The following CD2AP variants were observed in gnomAD, a reference collection of about 807,000 sequenced individuals.
CD2AP encodes the protein CD2-associated protein.
Under a neutral mutation model 85.1 loss-of-function variants are expected in CD2AP, and 46 were observed. The ratio of observed to expected loss-of-function variants is 0.54; its 90% confidence interval spans 0.43 to 0.69. The LOEUF is 0.69. CD2AP is among the 30% of genes least tolerant of loss of function. The pLI, the probability that CD2AP is intolerant of heterozygous loss-of-function variation, is 0.00. For missense variants in CD2AP, 769 were observed against 729.5 expected (o/e 1.05, Z -0.62); for synonymous variants, 255 against 252.9 (o/e 1.01, Z -0.08).
At chr6:47,580,931 A>G (rs1038662822) in intron 10 of CD2AP, 31 bp downstream of exon 10, 10 of 1,521,688 alleles carry the variant, frequency 6.6e-6, no homozygotes, top group African/African-American at 1.4e-5. Flanking sequence ...TCAGTTTGCT[A>G]TTTTCCATTT....
At chr6:47,608,169 G>T in intron 15 of CD2AP, 141 bp downstream of exon 15, 1 of 673,666 alleles carries the variant, frequency 1.5e-6, no homozygotes, top group Non-Finnish European at 2.7e-6. Flanking sequence ...AAATTGAGTT[G>T]TTTAGCTTCA....
In CD2AP at chr6:47,574,151, A is replaced by C; in HGVS notation, c.629A>C (p.Lys210Thr). 6.2e-7 allele frequency: 1 copy of C among 1,614,054 alleles called. No individual in the cohort carries two copies. The highest frequency in any genetic ancestry group is 8.5e-7 in the Non-Finnish European group (1 of 1,179,950). ...TASGSVTQPK[K>T]IRGIGFGDIF... Reference sequence around the variant, plus strand: ...TCTGGATCAGTTACACAGCCAAAGAAAATTCGAGGAATTGGATTTGGAGAC... The same window carrying C: ...TCTGGATCAGTTACACAGCCAAAGACAATTCGAGGAATTGGATTTGGAGAC... The change falls in exon 6 of 18, where the codon AAA becomes ACA. Residue 210 changes from lysine to threonine, a missense_variant. Lys to Thr is a moderately conservative substitution (Grantham distance 78). Transcript: ENST00000359314.
chr6:47,485,951 A>G (rs774345050), intron 1 of CD2AP, among the ~76,000 whole-genome samples: 1 of 152,190 alleles, frequency 6.6e-6, no homozygotes, highest in Non-Finnish European at 1.5e-5. Flanking sequence ...TGATGTTCAC[A>G]CATGGACCAA....
chr6:47,524,079 A>G (rs1465558454), intron 2 of CD2AP, among the ~76,000 whole-genome samples: 1 of 152,268 alleles, frequency 6.6e-6, no homozygotes, highest in Non-Finnish European at 1.5e-5. Context: ...TAGAAATTCA[A>G]GAAATTCAAG....
intron 2 of CD2AP, among the ~76,000 whole-genome samples, chr6:47,515,051 TA>T (rs77919389): frequency 3.1e-3 from 425 of 135,028 alleles, no homozygotes; most frequent in Admixed American, 3.5e-3. Context: ...GAGTCCGTCT[TA>T]AAAAAAAAAA....
At chr6:47,603,881 T>C (rs1162671530) in intron 13 of CD2AP, among the ~76,000 whole-genome samples, 1 of 152,066 alleles carries the variant, frequency 6.6e-6, no homozygotes, top group African/African-American at 2.4e-5. Context: ...TCAATATAAA[T>C]AGGTGGTGCA....
In CD2AP at chr6:47,574,126, T is replaced by C; in HGVS notation, c.604T>C (p.Ser202Pro). The C allele has an allele frequency of 6.2e-7, 1 of 1,613,946 alleles. No homozygotes were observed. Among genetic ancestry groups the C allele is most frequent in the Non-Finnish European group, 8.5e-7 (1 of 1,179,856 alleles). Reference sequence around the variant, plus strand: ...TCTGGGAAATGTGAGTGAAACTGCATCTGGATCAGTTACACAGCCAAAGAA... The same window carrying C: ...TCTGGGAAATGTGAGTGAAACTGCACCTGGATCAGTTACACAGCCAAAGAA... ...PSLGNVSETA[S>P]GSVTQPKKIR... is the part of the protein sequence containing the mutation. The change falls in exon 6 of 18, where the codon TCT becomes CCT. Residue 202 changes from serine to proline, a missense_variant. By Grantham distance (74) the Ser-to-Pro change is moderately conservative. Coordinates refer to ENST00000359314, the MANE Select transcript of CD2AP (RefSeq NM_012120.3).
At chr6:47,554,587 G>A (rs544543195) in intron 4 of CD2AP, 59 bp from the exon 5 acceptor site, 247 of 1,599,122 alleles carry the variant, frequency 1.5e-4, no homozygotes, top group Middle Eastern at 3.3e-4. Flanking sequence ...TTTTCCCATA[G>A]GGTGACGATT....
chr6:47,533,566 CTT>C lies in CD2AP; in HGVS notation c.166-35_166-34del, dbSNP rs757417657. On this transcript the variant is annotated intron_variant, in intron 2 of 17. Coordinates refer to ENST00000359314, the MANE Select transcript of CD2AP (RefSeq NM_012120.3). ...TGAGGATTTAATATAAAAAATATAA[CTT>C]AACTTGCCTCTTTATTTATTTTCCC... 12 of 1,597,514 alleles carry C rather than the reference CTT, an allele frequency of 7.5e-6. No homozygotes were observed. In the East Asian group the frequency reaches 1.1e-4, roughly 15 times the overall value.
chr6:47,529,547 G>A (rs191356336), intron 2 of CD2AP, among the ~76,000 whole-genome samples: 75 of 152,278 alleles, frequency 4.9e-4, no homozygotes, highest in African/African-American at 1.7e-3. Context: ...ACTGGAATAG[G>A]TGCATAAATA....
At chr6:47,554,115 G>A (rs550402983) in intron 4 of CD2AP, among the ~76,000 whole-genome samples, 5 of 151,952 alleles carry the variant, frequency 3.3e-5, no homozygotes, top group Non-Finnish European at 7.4e-5. Context: ...ATTTCACCAC[G>A]TTGCCCAGGC....
At chr6:47,614,979 T>C (rs1769540927) in intron 17 of CD2AP, among the ~76,000 whole-genome samples, 1 of 152,224 alleles carries the variant, frequency 6.6e-6, no homozygotes, top group Admixed American at 6.5e-5. Context: ...CACTAATGTT[T>C]ATGTTCATTT....
chr6:47,498,482 A>G (rs1040036339), intron 1 of CD2AP, among the ~76,000 whole-genome samples: 11 of 151,868 alleles, frequency 7.2e-5, no homozygotes, highest in African/African-American at 1.5e-4. Context: ...TTTTAGGATT[A>G]TTTTCTTGTA....
chr6:47,485,509 T>A, intron 1 of CD2AP, among the ~76,000 whole-genome samples: 1 of 152,304 alleles, frequency 6.6e-6, no homozygotes, highest in South Asian at 2.1e-4. Flanking sequence ...ACAAAAAAGT[T>A]AAAAAATTTA....
At chr6:47,512,171 A>G (rs1382560470) in intron 2 of CD2AP, among the ~76,000 whole-genome samples, 1 of 151,400 alleles carries the variant, frequency 6.6e-6, no homozygotes, top group Non-Finnish European at 1.5e-5. Context: ...AAAAAAATAT[A>G]TATAAAATAA....
chr6:47,533,401 G>A (rs964823549), intron 2 of CD2AP, among the ~76,000 whole-genome samples: 1 of 152,090 alleles, frequency 6.6e-6, no homozygotes, highest in African/African-American at 2.4e-5. Flanking sequence ...CTCCAGTTCT[G>A]ATAAAACTTA....
At chr6:47,515,427 A>G (rs185519439) in intron 2 of CD2AP, among the ~76,000 whole-genome samples, 1 of 152,364 alleles carries the variant, frequency 6.6e-6, no homozygotes, top group East Asian at 1.9e-4. Flanking sequence ...AACACTTTAT[A>G]TCTGTATGAA....
At chr6:47,573,188 G>A (rs946447176) in intron 5 of CD2AP, among the ~76,000 whole-genome samples, 4 of 152,012 alleles carry the variant, frequency 2.6e-5, no homozygotes, top group Non-Finnish European at 5.9e-5. Flanking sequence ...ATGTAAAAAC[G>A]CTGTTACCCA....
At position 47,624,650 on chromosome 6, in the gene CD2AP, T is replaced by A. The variant is rs1374363062; in HGVS notation, c.*423T>A. ...CCTTTTAGTAACTATAGTCACTACTTTTTCCATAATGCATAAGGGATATAA... is the reference window on the plus strand; with the variant it reads ...CCTTTTAGTAACTATAGTCACTACTATTTCCATAATGCATAAGGGATATAA... On this transcript the variant is annotated 3_prime_UTR_variant, in exon 18 of 18. Coordinates refer to ENST00000359314, the MANE Select transcript of CD2AP (RefSeq NM_012120.3). The A allele has an allele frequency of 1.7e-5, 3 of 181,652 alleles. No individual in the cohort carries two copies. Among genetic ancestry groups the A allele is most frequent in the African/African-American group, 7.2e-5 (3 of 41,428 alleles). 11.3% of individuals were successfully genotyped at this position (181,652 alleles called of 1,614,324 possible). A position where few individuals can be genotyped will look rare whatever the true frequency, so the allele number is the denominator to read the frequency against.
Sources: allele counts gnomAD v4.1 joint callset (sites outside exome capture counted in the v4.1 genomes callset), GRCh38; gene constraint gnomAD v4.1.1; transcripts MANE v1.5; gene names NCBI Gene and HGNC (gene_info 2026-07-23, HGNC 2026-07-21).